Variants in ANKS1B observed in about 807,000 individuals in gnomAD.
The protein encoded by ANKS1B is ankyrin repeat and sterile alpha motif domain-containing protein 1B.
In ANKS1B, 36 loss-of-function variants were observed where a neutral mutation model predicts 148.3. The ratio of observed to expected loss-of-function variants is 0.24; its 90% CI spans 0.19 to 0.32. ANKS1B has a LOEUF of 0.32. Among genes scored for constraint, ANKS1B ranks in the 10% least tolerant of loss-of-function variants. The pLI, the probability that ANKS1B is intolerant of heterozygous loss-of-function variation, is 1.00. For synonymous variants in ANKS1B, 542 were observed against 560.8 expected, an observed-to-expected ratio of 0.97 and a Z score of 0.47; for missense variants, 1,157 against 1,542.6, an observed-to-expected ratio of 0.75 and a Z score of 4.19.
intron 16 of ANKS1B, among the ~76,000 whole-genome samples, chr12:99,054,846 C>T (rs1174518821): frequency 6.6e-6 from 1 of 152,218 alleles, no homozygotes; most frequent in Non-Finnish European, 1.5e-5. Flanking sequence ...TGCTCCTGGC[C>T]TAAATGTTCT....
At chr12:99,146,869 C>T (rs1267151744) in intron 15 of ANKS1B, among the ~76,000 whole-genome samples, 8 of 152,080 alleles carry the variant, frequency 5.3e-5, no homozygotes, top group Admixed American at 5.2e-4. Context: ...ATGAGGAGCT[C>T]GAAACTGAAA....
At chr12:98,805,477 C>A (rs2153607522) in intron 20 of ANKS1B, among the ~76,000 whole-genome samples, 1 of 152,278 alleles carries the variant, frequency 6.6e-6, no homozygotes, top group South Asian at 2.1e-4. Context: ...ATGTTTGCAA[C>A]TGCCAACTAT....
intron 1 of ANKS1B, among the ~76,000 whole-genome samples, chr12:99,928,047 T>C (rs983151908): frequency 1.5e-4 from 23 of 152,018 alleles, no homozygotes; most frequent in African/African-American, 5.1e-4. Context: ...TATCTTCTTA[T>C]AGAACTCTTG....
intron 22 of ANKS1B, chr12:98,794,851 A>G (rs2098933124): frequency 6.2e-7 from 1 of 1,602,676 alleles, no homozygotes; most frequent in African/African-American, 1.3e-5. Context: ...TCAGGATATC[A>G]AAGAAGTCAA....
At chr12:99,253,595 A>G (rs1460314101) in intron 12 of ANKS1B, among the ~76,000 whole-genome samples, 2 of 152,206 alleles carry the variant, frequency 1.3e-5, no homozygotes, top group Non-Finnish European at 2.9e-5. Flanking sequence ...GAATAAAATA[A>G]ATAATGACAG....
At chr12:99,289,808 TC>T (rs2079665394) in intron 12 of ANKS1B, among the ~76,000 whole-genome samples, 1 of 151,696 alleles carries the variant, frequency 6.6e-6, no homozygotes, top group African/African-American at 2.4e-5. Context: ...AGTTCCTACA[TC>T]AAAAAAGTAG....
chr12:99,336,594 GT>G lies in ANKS1B; in HGVS notation c.1756+63036del, dbSNP rs578160408. On this transcript the variant is annotated intron_variant, in intron 12 of 26. Transcript: ENST00000683438. Reference sequence around the variant, plus strand: ...TTCATTCTTCTCGTATGGATATCTAGTTTTGCCACCATCATTTATTGAAGAG... The same window carrying G: ...TTCATTCTTCTCGTATGGATATCTAGTTTGCCACCATCATTTATTGAAGAG... 2.7e-3 allele frequency among the ~76,000 whole-genome samples: 415 copies of G among 152,050 alleles called. 1 individual carries two copies. The highest frequency in any genetic ancestry group is 9.4e-3 in the African/African-American group (389 of 41,482).
intron 17 of ANKS1B, among the ~76,000 whole-genome samples, chr12:98,941,540 A>T (rs1019840691): frequency 6.6e-6 from 1 of 152,212 alleles, no homozygotes; most frequent in Admixed American, 6.5e-5. Flanking sequence ...AAATAACTGA[A>T]ATGCACTGTG....
chr12:99,179,059 A>G (rs11109754), intron 14 of ANKS1B, among the ~76,000 whole-genome samples: 18,395 of 152,212 alleles, frequency 0.12, 1,350 homozygotes, highest in South Asian at 0.25. Flanking sequence ...TCTATAAACT[A>G]TAGTAATTAT....
At position 98,950,092 on chromosome 12, in the gene ANKS1B, G is replaced by A. The variant is rs529108301; in HGVS notation, c.2778+103065C>T. Among the ~76,000 whole-genome samples the A allele has an allele frequency of 6.6e-5, 10 of 152,360 alleles. No individual in the cohort carries two copies. The South Asian group carries it at 2.1e-3, about 32-fold the overall frequency. On this transcript the variant is annotated intron_variant, in intron 17 of 26. Coordinates refer to ENST00000683438, the MANE Select transcript of ANKS1B (RefSeq NM_001352186.2). ...ATGGTCATGCTGAATGAAGAATGAA[G>A]TGAAAGAAGTCAGTGAAGATGCATT...
At chr12:99,132,194 G>C (rs940887301) in intron 15 of ANKS1B, among the ~76,000 whole-genome samples, 3 of 152,188 alleles carry the variant, frequency 2.0e-5, no homozygotes, top group Non-Finnish European at 1.5e-5. Flanking sequence ...CCTCTCTGGA[G>C]GCTGTAGAAA....
chr12:99,528,012 T>C (rs1167616565), intron 9 of ANKS1B, among the ~76,000 whole-genome samples: 2 of 151,880 alleles, frequency 1.3e-5, no homozygotes, highest in African/African-American at 2.4e-5. Flanking sequence ...ATGGTACTGG[T>C]GCTACAGTAG....
chr12:99,017,635 A>T (rs1325196740), intron 17 of ANKS1B, among the ~76,000 whole-genome samples: 2 of 152,114 alleles, frequency 1.3e-5, no homozygotes, highest in African/African-American at 4.8e-5. Context: ...AATCAGTGGC[A>T]CCCATTCCCT....
chr12:99,537,472 T>C (rs531417318), intron 9 of ANKS1B, among the ~76,000 whole-genome samples: 9 of 152,222 alleles, frequency 5.9e-5, no homozygotes, highest in Non-Finnish European at 1.2e-4. Context: ...GGTAAGATGA[T>C]AGCTCATTGC....
rs746375305 is a variant in ANKS1B at position 99,808,611 on chromosome 12, C to A, written c.373-1911G>T. ...CAATGATCACATACAGGTTTAGACTCCCTGGTCTTCTTATCTGTTTTTCTT... is the reference window on the plus strand; with the variant it reads ...CAATGATCACATACAGGTTTAGACTACCTGGTCTTCTTATCTGTTTTTCTT... On this transcript the variant is annotated intron_variant, in intron 3 of 26. Transcript: ENST00000683438. Among the ~76,000 whole-genome samples the A allele has an allele frequency of 5.3e-5, 8 of 152,154 alleles. No homozygotes were observed. In the East Asian group the frequency reaches 1.4e-3, roughly 26 times the overall value.
chr12:99,193,435 T>C (rs898372654), intron 14 of ANKS1B, among the ~76,000 whole-genome samples: 2 of 152,144 alleles, frequency 1.3e-5, no homozygotes, highest in Admixed American at 1.3e-4. Flanking sequence ...AAATAGTTCA[T>C]ATCCACTTTT....
intron 14 of ANKS1B, among the ~76,000 whole-genome samples, chr12:99,205,777 A>T (rs2082596899): frequency 6.6e-6 from 1 of 152,190 alleles, no homozygotes; most frequent in South Asian, 2.1e-4. Flanking sequence ...CAGGAGCTGC[A>T]GTTTTAAAGG....
rs577534027 is a variant in ANKS1B, at chr12:99,416,960, G to A, written c.1576-17149C>T. ...AAGGGAGAAGGGCAGGCTCTTGAGA[G>A]CGAGGTTACTGGCATGCAGTCAGGC... On this transcript the variant is annotated intron_variant, in intron 11 of 26. Transcript: ENST00000683438. Among the ~76,000 whole-genome samples, 149 of 152,278 alleles carry A rather than the reference G, an allele frequency of 9.8e-4. 2 individuals carry two copies. The highest frequency in any genetic ancestry group is 7.9e-4 in the Non-Finnish European group (54 of 68,024).
chr12:98,892,550 T>C (rs2152692681), intron 17 of ANKS1B, among the ~76,000 whole-genome samples: 1 of 152,342 alleles, frequency 6.6e-6, no homozygotes, highest in South Asian at 2.1e-4. Context: ...ATGCAGTAAA[T>C]TAATAGACAA....
Sources: allele counts gnomAD v4.1 joint callset (sites outside exome capture counted in the v4.1 genomes callset), GRCh38; gene constraint gnomAD v4.1.1; transcripts MANE v1.5; gene names NCBI Gene and HGNC (gene_info 2026-07-23, HGNC 2026-07-21).